Variants in CACNA2D3 observed in about 807,000 individuals in gnomAD.
CACNA2D3 encodes the protein voltage-dependent calcium channel subunit alpha-2/delta-3.
A neutral mutation model predicts 160.6 loss-of-function variants in CACNA2D3; 60 were observed. That is an observed-to-expected ratio of 0.37 (90% confidence interval 0.30 to 0.46). The LOEUF (loss-of-function observed/expected upper bound fraction) is 0.46. CACNA2D3 is among the 20% of genes least tolerant of loss of function. The pLI is 1.00. For missense variants in CACNA2D3, 1,205 were observed against 1,365.0 expected (o/e 0.88, Z 1.85); for synonymous variants, 558 against 492.9 (o/e 1.13, Z -1.75).
rs6787224 is a variant in CACNA2D3 at position 54,959,971 on chromosome 3, A to C, written c.2450-8479A>C. Among the ~76,000 whole-genome samples, 1,371 of 152,246 alleles carry C rather than the reference A, an allele frequency of 9.0e-3. 23 individuals carry two copies. Among genetic ancestry groups the C allele is most frequent in the African/African-American group, 0.031 (1,302 of 41,532 alleles). ...TTCCACAACCCTGCTAATTCTTTTC[A>C]ACATCAATCCAGTCAAGTAATTAGA... On this transcript the variant is annotated intron_variant, in intron 27 of 37. Coordinates refer to ENST00000474759, the MANE Select transcript of CACNA2D3 (RefSeq NM_018398.3).
chr3:54,971,211 G>A (rs1282086190), intron 29 of CACNA2D3, among the ~76,000 whole-genome samples: 2 of 152,140 alleles, frequency 1.3e-5, no homozygotes, highest in Non-Finnish European at 2.9e-5. Context: ...AATACCCTGT[G>A]AAGTTGTATG....
chr3:54,577,265 G>A (rs1334059294), intron 8 of CACNA2D3, among the ~76,000 whole-genome samples: 1 of 152,180 alleles, frequency 6.6e-6, no homozygotes, highest in African/African-American at 2.4e-5. Flanking sequence ...TGTGGCAGAT[G>A]CCTTCCTGCG....
intron 2 of CACNA2D3, among the ~76,000 whole-genome samples, chr3:54,157,025 T>A (rs189169946): frequency 6.6e-6 from 1 of 152,356 alleles, no homozygotes; most frequent in Non-Finnish European, 1.5e-5. Flanking sequence ...ACTGGGTGGC[T>A]TAAGCAACTA....
intron 11 of CACNA2D3, among the ~76,000 whole-genome samples, chr3:54,677,051 A>G (rs1700256019): frequency 6.6e-6 from 1 of 152,204 alleles, no homozygotes; most frequent in South Asian, 2.1e-4. Context: ...AGGAGTTGAT[A>G]TGTACGTGCC....
chr3:54,648,570 G>T (rs1043782923), intron 11 of CACNA2D3, among the ~76,000 whole-genome samples: 1 of 152,224 alleles, frequency 6.6e-6, no homozygotes. Context: ...GGTAATGACG[G>T]TTTTTCCCTA....
At chr3:54,718,447 C>T (rs1260221376) in intron 11 of CACNA2D3, among the ~76,000 whole-genome samples, 1 of 151,806 alleles carries the variant, frequency 6.6e-6, no homozygotes, top group Non-Finnish European at 1.5e-5. Flanking sequence ...TGATGCAGCA[C>T]GATTTATGGA....
At chr3:54,304,229 G>A (rs1441427041) in intron 2 of CACNA2D3, among the ~76,000 whole-genome samples, 1 of 152,152 alleles carries the variant, frequency 6.6e-6, no homozygotes, top group African/African-American at 2.4e-5. Flanking sequence ...AATGGTCCCT[G>A]GTTGAGGCCT....
At chr3:54,515,574 G>T (rs140325723) in intron 5 of CACNA2D3, among the ~76,000 whole-genome samples, 151 of 152,316 alleles carry the variant, frequency 9.9e-4, no homozygotes, top group African/African-American at 3.3e-3. Context: ...AGTTGTTTCT[G>T]GCAGTCAGTG....
At chr3:55,060,733 G>A (rs1422650541) in intron 35 of CACNA2D3, among the ~76,000 whole-genome samples, 1 of 151,982 alleles carries the variant, frequency 6.6e-6, no homozygotes, top group East Asian at 1.9e-4. Flanking sequence ...AATGGTTCAT[G>A]TCATAATTAA....
chr3:54,174,117 C>T (rs1272642063), intron 2 of CACNA2D3, among the ~76,000 whole-genome samples: 2 of 152,146 alleles, frequency 1.3e-5, no homozygotes. Flanking sequence ...AGAGACAGTA[C>T]ATAAAGGCAG....
intron 11 of CACNA2D3, among the ~76,000 whole-genome samples, chr3:54,719,334 A>G (rs1309485145): frequency 6.6e-6 from 1 of 151,962 alleles, no homozygotes; most frequent in African/African-American, 2.4e-5. Context: ...AGGTTAAAGA[A>G]GTGCTCTTCT....
chr3:54,287,818 G>A (rs11130413), intron 2 of CACNA2D3, among the ~76,000 whole-genome samples: 41,912 of 148,734 alleles, frequency 0.28, 6,250 homozygotes, highest in East Asian at 0.41. Flanking sequence ...ACCTGCTCCT[G>A]AATGACTACT....
chr3:54,304,490 T>A (rs909922330), intron 2 of CACNA2D3, among the ~76,000 whole-genome samples: 1 of 152,218 alleles, frequency 6.6e-6, no homozygotes, highest in African/African-American at 2.4e-5. Context: ...AAAAAACAAT[T>A]ACATTTATAA....
At chr3:55,062,492 T>C (rs1475044474) in intron 35 of CACNA2D3, among the ~76,000 whole-genome samples, 1 of 152,088 alleles carries the variant, frequency 6.6e-6, no homozygotes, top group Non-Finnish European at 1.5e-5. Flanking sequence ...CTCTCAGAAG[T>C]CTAGTAGGAA....
chr3:54,148,859 C>T (rs983918894), intron 2 of CACNA2D3, among the ~76,000 whole-genome samples: 4 of 151,744 alleles, frequency 2.6e-5, no homozygotes, highest in Non-Finnish European at 5.9e-5. Context: ...CATCTGTAAT[C>T]CCAGCTACTC....
chr3:54,522,364 T>C lies in CACNA2D3; in HGVS notation c.544+18710T>C, dbSNP rs577803738. On this transcript the variant is annotated intron_variant, in intron 5 of 37. Coordinates refer to ENST00000474759, the MANE Select transcript of CACNA2D3 (RefSeq NM_018398.3). ...GCAAGTGCATAGAAATACAATTGATTTTTATGTATTTGTATTCTGCAATCT... is the reference window on the plus strand; with the variant it reads ...GCAAGTGCATAGAAATACAATTGATCTTTATGTATTTGTATTCTGCAATCT... Among the ~76,000 whole-genome samples, 4 of 152,284 alleles carry C rather than the reference T, an allele frequency of 2.6e-5. No homozygotes were observed. The East Asian group carries it at 7.7e-4, about 29-fold the overall frequency.
intron 35 of CACNA2D3, among the ~76,000 whole-genome samples, chr3:55,030,516 AT>A (rs1408326679): frequency 3.9e-5 from 6 of 152,178 alleles, no homozygotes; most frequent in Non-Finnish European, 7.3e-5. Flanking sequence ...TTGGCTTTAA[AT>A]TTTAAAAAGG....
At chr3:55,011,045 T>C (rs1703199941) in intron 34 of CACNA2D3, among the ~76,000 whole-genome samples, 1 of 152,236 alleles carries the variant, frequency 6.6e-6, no homozygotes, top group Admixed American at 6.5e-5. Context: ...AGTCATGGCT[T>C]TGTAACTTAC....
intron 10 of CACNA2D3, among the ~76,000 whole-genome samples, chr3:54,636,556 A>G (rs1376549769): frequency 1.3e-5 from 2 of 151,976 alleles, no homozygotes; most frequent in Non-Finnish European, 2.9e-5. Context: ...AAAAGTATTA[A>G]AGCAGCGGCA....
Sources: gnomAD v4.1 joint callset for allele counts (sites outside exome capture counted in the v4.1 genomes callset) on GRCh38, gnomAD v4.1.1 for gene constraint, MANE v1.5 for transcripts, NCBI Gene and HGNC (gene_info 2026-07-23, HGNC 2026-07-21) for gene names.